NUP107: variants seen among roughly 807,000 people sequenced by gnomAD.
NUP107 encodes nuclear pore complex protein Nup107.
NUP107 carries 101 observed loss-of-function variants against 141.0 expected under a neutral mutation model. The ratio of observed to expected loss-of-function variants is 0.72; its 90% confidence interval spans 0.61 to 0.84. The LOEUF (loss-of-function observed/expected upper bound fraction) is 0.84, where lower values mean the gene tolerates loss of function less well. NUP107 is among the 40% of genes least tolerant of loss of function. The pLI, the probability that NUP107 is intolerant of heterozygous loss-of-function variation, is 0.00. For synonymous variants in NUP107, 319 were observed against 363.9 expected, an observed-to-expected ratio of 0.88 and a Z score of 1.41; for missense variants, 941 against 1,102.7, an observed-to-expected ratio of 0.85 and a Z score of 2.08.
chr12:68,733,653 A>G, intron 24 of NUP107, 41 bp downstream of exon 24: 3 of 1,563,542 alleles, frequency 1.9e-6, no homozygotes, highest in Non-Finnish European at 2.6e-6. Flanking sequence ...CTACTTCATG[A>G]TGATTTTTCG....
intron 11 of NUP107, chr12:68,714,507 A>C (rs1481640789): frequency 2.6e-5 from 4 of 152,256 alleles, no homozygotes; most frequent in Admixed American, 2.6e-4. Context: ...CCATGTTCCA[A>C]AATTGAATTA....
At chr12:68,730,957 GACCC>G (rs1877796152) in intron 20 of NUP107, among the ~76,000 whole-genome samples, 149 bp from the exon 21 acceptor site, 1 of 152,164 alleles carries the variant, frequency 6.6e-6, no homozygotes, top group Non-Finnish European at 1.5e-5. Flanking sequence ...GACAGAGTGA[GACCC>G]TGTCTCAAAC....
chr12:68,691,690 C>T (rs976504233), intron 4 of NUP107, among the ~76,000 whole-genome samples: 2 of 151,946 alleles, frequency 1.3e-5, no homozygotes, highest in African/African-American at 4.8e-5. Flanking sequence ...AAAAATTAGC[C>T]AGGCGTGGTG....
chr12:68,726,767 A>G lies in NUP107; in HGVS notation c.1695+150A>G, dbSNP rs1877585153. The G allele has an allele frequency of 2.8e-5, 17 of 603,002 alleles. No individual in the cohort carries two copies. The South Asian group carries it at 3.5e-4, about 13-fold the overall frequency. The allele number at this position is 603,002 out of a possible 1,614,324, so 37.4% of individuals were successfully genotyped here. ...TATAGTCTTGTATAGTCACTCAATG[A>G]TAACTCACTGAGAGTGGCCCTTTAG... On this transcript the variant is annotated intron_variant, in intron 19 of 27. Transcript: ENST00000229179.
chr12:68,721,185 A>T lies in NUP107; in HGVS notation c.1311+8A>T. 2 of 1,589,830 alleles carry T rather than the reference A, an allele frequency of 1.3e-6. No individual in the cohort carries two copies. The highest frequency in any genetic ancestry group is 1.7e-6 in the Non-Finnish European group (2 of 1,160,704). Reference sequence around the variant, plus strand: ...AGTGGGAATCTTAAGCAGGTATGCAATCTGTTTTAATGTTTAAATTTTTTC... The same window carrying T: ...AGTGGGAATCTTAAGCAGGTATGCATTCTGTTTTAATGTTTAAATTTTTTC... On this transcript the variant is annotated splice_region_variant and intron_variant, in intron 15 of 27. Transcript: ENST00000229179.
intron 23 of NUP107, among the ~76,000 whole-genome samples, chr12:68,732,970 A>T (rs933896842): frequency 6.6e-6 from 1 of 152,172 alleles, no homozygotes; most frequent in Non-Finnish European, 1.5e-5. Context: ...GGCGTGAACC[A>T]CCACACCCAG....
At chr12:68,741,731 G>T in intron 26 of NUP107, 82 bp from the exon 27 acceptor site, 1 of 1,290,170 alleles carries the variant, frequency 7.8e-7, no homozygotes, top group African/African-American at 1.5e-5. Context: ...TACATTCTGG[G>T]TTTGATTCAG....
chr12:68,742,026 G>T, intron 27 of NUP107, 46 bp downstream of exon 27: 1 of 1,398,964 alleles, frequency 7.1e-7, no homozygotes, highest in Admixed American at 2.2e-5. Context: ...GATTTGATAT[G>T]CTCTGTAGTA....
intron 1 of NUP107, 83 bp downstream of exon 1, chr12:68,687,156 CAGA>C (rs1875535503): frequency 1.3e-6 from 2 of 1,584,280 alleles, no homozygotes; most frequent in Admixed American, 1.7e-5. Context: ...ACTAGACTCC[CAGA>C]AGAAGCCAAG....
chr12:68,727,535 A>C (rs1877616162), intron 20 of NUP107, 146 bp downstream of exon 20: 1 of 513,050 alleles, frequency 1.9e-6, no homozygotes, highest in Admixed American at 3.3e-5. Context: ...TGACCTTTGA[A>C]TAATGCAGGG....
intron 10 of NUP107, among the ~76,000 whole-genome samples, chr12:68,713,375 C>CAA (rs139024005): frequency 2.3e-5 from 2 of 87,384 alleles, no homozygotes; most frequent in Non-Finnish European, 4.7e-5. Flanking sequence ...ACCCTGTCTC[C>CAA]AAAAAAAAAA....
At chr12:68,721,287 A>G (rs551138057) in intron 15 of NUP107, 110 bp downstream of exon 15, 19 of 636,934 alleles carry the variant, frequency 3.0e-5, no homozygotes, top group African/African-American at 1.5e-4. Flanking sequence ...ACTTAAGTAT[A>G]TACATACTTA....
chr12:68,704,954 T>C (rs1876509055), intron 8 of NUP107, among the ~76,000 whole-genome samples: 1 of 151,790 alleles, frequency 6.6e-6, no homozygotes, highest in African/African-American at 2.4e-5. Flanking sequence ...ATGATCATAG[T>C]TCACTGCAGC....
At chr12:68,690,521 T>A (rs1404430472) in intron 3 of NUP107, 110 bp from the exon 4 acceptor site, 1 of 1,356,448 alleles carries the variant, frequency 7.4e-7, no homozygotes, top group Non-Finnish European at 1.0e-6. Context: ...GGTTAGAGTC[T>A]AAATAATGGA....
intron 12 of NUP107, among the ~76,000 whole-genome samples, chr12:68,717,502 TATA>T (rs1877165788): frequency 6.7e-6 from 1 of 148,700 alleles, no homozygotes; most frequent in African/African-American, 2.5e-5. Flanking sequence ...TCGTATAATA[TATA>T]TTATTATATT....
intron 1 of NUP107, among the ~76,000 whole-genome samples, chr12:68,688,725 A>T (rs958206104): frequency 3.3e-5 from 5 of 152,230 alleles, no homozygotes; most frequent in African/African-American, 1.2e-4. Context: ...AGAAAATAAC[A>T]TAGTGAGTAC....
intron 8 of NUP107, among the ~76,000 whole-genome samples, chr12:68,707,810 A>G (rs1876665443): frequency 6.6e-6 from 1 of 152,124 alleles, no homozygotes; most frequent in Non-Finnish European, 1.5e-5. Flanking sequence ...ATACTACAGC[A>G]TTTTGGCTGG....
chr12:68,734,678 A>G (rs371880971), intron 24 of NUP107, 30 bp from the exon 25 acceptor site: 13 of 1,474,856 alleles, frequency 8.8e-6, no homozygotes, highest in Non-Finnish European at 1.0e-5. Context: ...TTGTTATTTT[A>G]TATTTTGGTT....
chr12:68,692,353 G>A (rs187887860), intron 5 of NUP107, among the ~76,000 whole-genome samples: 7 of 152,006 alleles, frequency 4.6e-5, no homozygotes, highest in African/African-American at 1.7e-4. Flanking sequence ...GGCCGAGGCG[G>A]GCAGATCACG....
Sources: gnomAD v4.1 joint callset for allele counts (sites outside exome capture counted in the v4.1 genomes callset) on GRCh38, gnomAD v4.1.1 for gene constraint, MANE v1.5 for transcripts, NCBI Gene and HGNC (gene_info 2026-07-23, HGNC 2026-07-21) for gene names.